Variants in PGR observed in about 807,000 individuals in gnomAD.
PGR encodes the protein nuclear receptor subfamily 3 group C member 3.
In PGR, 25 loss-of-function variants were observed where a neutral mutation model predicts 76.1. The ratio of observed to expected loss-of-function variants is 0.33; its 90% CI spans 0.24 to 0.46. The LOEUF (loss-of-function observed/expected upper bound fraction) is 0.46. Among genes scored for constraint, PGR ranks in the 20% least tolerant of loss-of-function variants. The probability of loss-of-function intolerance (pLI) is 1.00; values close to 1 mark genes in which losing one functional copy is unlikely to be tolerated. For missense variants in PGR, 1,172 were observed against 1,225.3 expected (o/e 0.96, Z 0.65); for synonymous variants, 579 against 535.0 (o/e 1.08, Z -1.14).
At chr11:101,092,959 C>G (rs1468909027) in intron 2 of PGR, among the ~76,000 whole-genome samples, 1 of 152,044 alleles carries the variant, frequency 6.6e-6, no homozygotes, top group Non-Finnish European at 1.5e-5. Flanking sequence ...TAAAGGAACT[C>G]AGAGGTACCT....
At chr11:101,091,655 AG>A in intron 3 of PGR, 104 bp downstream of exon 3, 1 of 745,608 alleles carries the variant, frequency 1.3e-6, no homozygotes, top group Non-Finnish European at 2.4e-6. Context: ...TAATCAAGAC[AG>A]AAAAAACAAA....
chr11:101,052,037 A>G (rs1860108534), intron 4 of PGR, among the ~76,000 whole-genome samples: 1 of 152,104 alleles, frequency 6.6e-6, no homozygotes, highest in Non-Finnish European at 1.5e-5. Flanking sequence ...AAAAAAAGAG[A>G]GATAATGCCT....
intron 3 of PGR, among the ~76,000 whole-genome samples, chr11:101,087,493 A>G (rs1861534650): frequency 6.6e-6 from 1 of 152,216 alleles, no homozygotes; most frequent in Admixed American, 6.5e-5. Flanking sequence ...AAGAAAATCT[A>G]GGAAATATGA....
intron 6 of PGR, among the ~76,000 whole-genome samples, chr11:101,047,323 G>A (rs779158712): frequency 6.4e-4 from 97 of 152,280 alleles, no homozygotes; most frequent in Non-Finnish European, 1.1e-3. Context: ...GACTATCTGT[G>A]ACATAAGTGC....
chr11:101,114,523 C>T (rs147450171), intron 2 of PGR, among the ~76,000 whole-genome samples: 2 of 152,220 alleles, frequency 1.3e-5, no homozygotes, highest in East Asian at 3.9e-4. Flanking sequence ...ATCTGTGTTA[C>T]CAGTTTCCTA....
At chr11:101,097,901 C>T (rs888515744) in intron 2 of PGR, among the ~76,000 whole-genome samples, 3 of 151,760 alleles carry the variant, frequency 2.0e-5, no homozygotes, top group African/African-American at 7.3e-5. Context: ...CTCAGCCTCC[C>T]GAGTAGCTGG....
chr11:101,128,887 G>T lies in PGR; in HGVS notation c.184C>A (p.Arg62=). 1 of 1,614,028 alleles carries T rather than the reference G, an allele frequency of 6.2e-7. No homozygotes were observed. Among genetic ancestry groups the T allele is most frequent in the Non-Finnish European group, 8.5e-7 (1 of 1,179,988 alleles). ...PISLDGLLFP[R]PCQGQDPSDE... is the part of the protein sequence containing the mutation. ...GAGGGGTCCTGTCCCTGGCAGGGCC[G>T]AGGGAAGAGTAGCCCGTCCAGGGAG... The change falls in exon 1 of 8, where the codon CGG becomes AGG. Residue 62 remains arginine (R), a synonymous_variant. Transcript: ENST00000325455.
At chr11:101,094,701 T>C (rs186575281) in intron 2 of PGR, among the ~76,000 whole-genome samples, 47 of 152,354 alleles carry the variant, frequency 3.1e-4, no homozygotes, top group Admixed American at 2.4e-3. Context: ...TATAAGAACG[T>C]AAGGAAATTC....
intron 3 of PGR, among the ~76,000 whole-genome samples, chr11:101,077,132 CT>C (rs1203023078): frequency 6.6e-6 from 1 of 151,654 alleles, no homozygotes. Context: ...CTGTATTTTT[CT>C]TTTATTATAT....
intron 4 of PGR, among the ~76,000 whole-genome samples, chr11:101,056,300 G>T (rs1053520608): frequency 1.3e-5 from 2 of 152,002 alleles, no homozygotes; most frequent in Non-Finnish European, 2.9e-5. Context: ...CCCTGTTACA[G>T]CTGTCCAAAT....
chr11:101,114,417 T>C (rs1420051877), intron 2 of PGR, among the ~76,000 whole-genome samples: 1 of 152,200 alleles, frequency 6.6e-6, no homozygotes, highest in Non-Finnish European at 1.5e-5. Context: ...TTCTCATAAG[T>C]TATTTTGTGC....
Position 101,039,204 on chromosome 11 carries a change from A to T in PGR, c.2714T>A (p.Phe905Tyr). 1 of 1,611,632 alleles carries T rather than the reference A, an allele frequency of 6.2e-7. No individual in the cohort carries two copies. Among genetic ancestry groups the T allele is most frequent in the Non-Finnish European group, 8.5e-7 (1 of 1,178,076 alleles). The change falls in exon 8 of 8, where the codon TTT becomes TAT. Residue 905 changes from phenylalanine (F) to tyrosine (Y), a missense_variant. Coordinates refer to ENST00000325455, the MANE Select transcript of PGR (RefSeq NM_000926.4). ...AATAACTTCAGACATCATTTCTGGA[A>T]ATTCAACACTCAGTGCCCGGGACTG... is the stretch of plus-strand genomic sequence containing the variant. ...FIQSRALSVE[F>Y]PEMMSEVIAA...
At chr11:101,047,197 A>G (rs1191470241) in intron 6 of PGR, among the ~76,000 whole-genome samples, 1 of 152,184 alleles carries the variant, frequency 6.6e-6, no homozygotes, top group East Asian at 1.9e-4. Context: ...AAGTGACAAC[A>G]ATGAGCAAAG....
At chr11:101,104,235 C>G (rs1862079849) in intron 2 of PGR, among the ~76,000 whole-genome samples, 1 of 152,138 alleles carries the variant, frequency 6.6e-6, no homozygotes, top group Non-Finnish European at 1.5e-5. Flanking sequence ...TTCAGAATCA[C>G]TGGATATTTA....
At chr11:101,043,434 C>T (rs1477300116) in intron 6 of PGR, among the ~76,000 whole-genome samples, 3 of 152,166 alleles carry the variant, frequency 2.0e-5, no homozygotes, top group Admixed American at 1.3e-4. Flanking sequence ...GTTTTGAACA[C>T]CCTCAAAGTC....
chr11:101,127,487 G>C lies in PGR; in HGVS notation c.1584C>G (p.Ala528=), dbSNP rs1271201913. 6.4e-7 allele frequency: 1 copy of C among 1,556,676 alleles called. No individual in the cohort carries two copies. Among genetic ancestry groups the C allele is most frequent in the Non-Finnish European group, 8.7e-7 (1 of 1,155,386 alleles). The change falls in exon 1 of 8, where the codon GCC becomes GCG. Residue 528 remains alanine (A), a synonymous_variant. Coordinates refer to ENST00000325455, the MANE Select transcript of PGR (RefSeq NM_000926.4). ...NGLPQLGYQA[A]VLKEGLPQVY... Reference sequence around the variant, plus strand: ...CCTGCGGCAGGCCCTCCTTGAGCACGGCGGCCTGGTAGCCGAGCTGCGGGA... The same window carrying C: ...CCTGCGGCAGGCCCTCCTTGAGCACCGCGGCCTGGTAGCCGAGCTGCGGGA...
chr11:101,100,186 TC>T (rs1861955196), intron 2 of PGR, among the ~76,000 whole-genome samples: 1 of 151,994 alleles, frequency 6.6e-6, no homozygotes, highest in Non-Finnish European at 1.5e-5. Context: ...GGGGGTGGTT[TC>T]CCCCCATGCT....
intron 4 of PGR, among the ~76,000 whole-genome samples, chr11:101,061,235 T>A (rs1255803227): frequency 6.6e-6 from 1 of 152,182 alleles, no homozygotes; most frequent in Non-Finnish European, 1.5e-5. Context: ...TCTTAAACAT[T>A]TAGAATGTTC....
chr11:101,110,761 T>C (rs1862320579), intron 2 of PGR, among the ~76,000 whole-genome samples: 1 of 152,186 alleles, frequency 6.6e-6, no homozygotes, highest in Non-Finnish European at 1.5e-5. Flanking sequence ...GAGTAATCTT[T>C]TGTGAAAGGA....
Sources: gnomAD v4.1 joint callset for allele counts (sites outside exome capture counted in the v4.1 genomes callset) on GRCh38, gnomAD v4.1.1 for gene constraint, MANE v1.5 for transcripts, NCBI Gene and HGNC (gene_info 2026-07-23, HGNC 2026-07-21) for gene names.